MAGI1: variants seen among roughly 807,000 people sequenced by gnomAD.
The protein encoded by MAGI1 is membrane associated guanylate kinase, WW and PDZ domain containing 1.
MAGI1 carries 58 observed loss-of-function variants against 139.9 expected under a neutral mutation model. The ratio of observed to expected loss-of-function variants is 0.41; its 90% CI spans 0.34 to 0.52. The LOEUF (loss-of-function observed/expected upper bound fraction) is 0.52, where lower values mean the gene tolerates loss of function less well. Ranked by LOEUF, MAGI1 falls within the 20% of genes least tolerant of loss-of-function variation. The probability of loss-of-function intolerance (pLI) is 0.12; values close to 1 mark genes in which losing one functional copy is unlikely to be tolerated. For missense variants in MAGI1, 1,874 were observed against 1,901.6 expected (o/e 0.99, Z 0.27); for synonymous variants, 812 against 737.9 (o/e 1.10, Z -1.63).
At chr3:65,963,854 A>G (rs2064599339) in intron 1 of MAGI1, among the ~76,000 whole-genome samples, 3 of 152,218 alleles carry the variant, frequency 2.0e-5, no homozygotes, top group Admixed American at 2.0e-4. Context: ...CCAGGGATAG[A>G]GTGGTACTTA....
chr3:65,561,085 G>T (rs1319005630), intron 2 of MAGI1, among the ~76,000 whole-genome samples: 1 of 152,118 alleles, frequency 6.6e-6, no homozygotes. Flanking sequence ...TTTCTCTAAT[G>T]GACTCTGTAC....
At chr3:65,611,340 T>C (rs2083092361) in intron 2 of MAGI1, among the ~76,000 whole-genome samples, 2 of 143,340 alleles carry the variant, frequency 1.4e-5, no homozygotes, top group Admixed American at 7.2e-5. Flanking sequence ...ACTATACATA[T>C]ACTATATAGA....
At chr3:65,830,528 A>G (rs17438517) in intron 1 of MAGI1, among the ~76,000 whole-genome samples, 71,619 of 151,960 alleles carry the variant, frequency 0.47, 18,236 homozygotes, top group East Asian at 0.76. Flanking sequence ...CCACAACACA[A>G]CTTCTCTCAG....
At chr3:66,002,151 G>C (rs953893460) in intron 1 of MAGI1, among the ~76,000 whole-genome samples, 4 of 152,078 alleles carry the variant, frequency 2.6e-5, no homozygotes, top group African/African-American at 9.7e-5. Flanking sequence ...CTCAGGTAAG[G>C]ATTAACTTCA....
chr3:65,731,660 AT>A (rs1212413397), intron 1 of MAGI1, among the ~76,000 whole-genome samples: 2,699 of 121,482 alleles, frequency 0.022, 96 homozygotes, highest in African/African-American at 0.085. Context: ...GTCTCAAAAA[AT>A]TTAAAAAAAA....
chr3:65,644,268 T>C (rs915461608), intron 1 of MAGI1, among the ~76,000 whole-genome samples: 10 of 151,688 alleles, frequency 6.6e-5, no homozygotes, highest in African/African-American at 2.4e-4. Flanking sequence ...ATATGAAGAA[T>C]AAAAAAAACT....
chr3:66,022,396 A>G (rs765124918), intron 1 of MAGI1, among the ~76,000 whole-genome samples: 1 of 152,224 alleles, frequency 6.6e-6, no homozygotes, highest in Non-Finnish European at 1.5e-5. Flanking sequence ...TCTTATAAAT[A>G]ATGACACATG....
intron 1 of MAGI1, among the ~76,000 whole-genome samples, chr3:65,847,217 C>G (rs1027070677): frequency 3.9e-5 from 6 of 152,130 alleles, no homozygotes; most frequent in Admixed American, 2.0e-4. Context: ...GAGACAGAGT[C>G]TTCTACATGA....
intron 10 of MAGI1, among the ~76,000 whole-genome samples, chr3:65,435,453 A>C (rs1947772035): frequency 7.0e-6 from 1 of 143,228 alleles, no homozygotes; most frequent in South Asian, 2.4e-4. Flanking sequence ...CTGGTTGGCT[A>C]TTCTATATGT....
At chr3:65,926,361 CT>C (rs1397807267) in intron 1 of MAGI1, among the ~76,000 whole-genome samples, 42 of 151,438 alleles carry the variant, frequency 2.8e-4, no homozygotes, top group Non-Finnish European at 5.2e-4. Context: ...CTCTCTCTCT[CT>C]CTCTCTCCCT....
At chr3:65,939,167 C>A (rs1256161156) in intron 1 of MAGI1, among the ~76,000 whole-genome samples, 2 of 152,118 alleles carry the variant, frequency 1.3e-5, no homozygotes, top group Non-Finnish European at 2.9e-5. Flanking sequence ...GAAATAAATT[C>A]TTTTGAAGTT....
chr3:65,354,894 TC>T lies in MAGI1; in HGVS notation c.*1483del, dbSNP rs1464303865. 3 of 152,390 alleles carry T rather than the reference TC, an allele frequency of 2.0e-5. No individual in the cohort carries two copies. The highest frequency in any genetic ancestry group is 4.4e-5 in the Non-Finnish European group (3 of 68,008). The allele number at this position is 152,390 out of a possible 1,614,324, so 9.4% of individuals were successfully genotyped here. A position where few individuals can be genotyped will look rare whatever the true frequency, so the allele number is the denominator to read the frequency against. On this transcript the variant is annotated 3_prime_UTR_variant, in exon 23 of 23. Coordinates refer to ENST00000402939, the MANE Select transcript of MAGI1 (RefSeq NM_001033057.2). The stretch of plus-strand genomic sequence containing the variant: ...GATTGGCTGGTTTTCTTTTTTTTTT[TC>T]TTTTTCCTTTTTTTTTTTCTTACAG...
intron 1 of MAGI1, among the ~76,000 whole-genome samples, chr3:65,895,810 T>A (rs2060945480): frequency 6.6e-6 from 1 of 152,226 alleles, no homozygotes; most frequent in Admixed American, 6.5e-5. Flanking sequence ...AAAGGGACTT[T>A]TCAATCATCA....
chr3:65,990,149 G>T (rs774050328), intron 1 of MAGI1, among the ~76,000 whole-genome samples: 1 of 152,126 alleles, frequency 6.6e-6, no homozygotes, highest in Non-Finnish European at 1.5e-5. Context: ...GGCAAGACCT[G>T]AGTGAGATTA....
intron 1 of MAGI1, among the ~76,000 whole-genome samples, chr3:65,974,683 G>A (rs112819637): frequency 0.022 from 3,323 of 152,142 alleles, 74 homozygotes; most frequent in South Asian, 0.04. Flanking sequence ...AAGCTCATTC[G>A]CATGGCTGTC....
At chr3:65,445,126 A>G (rs1489483653) in intron 7 of MAGI1, among the ~76,000 whole-genome samples, 2 of 152,162 alleles carry the variant, frequency 1.3e-5, no homozygotes, top group Non-Finnish European at 2.9e-5. Flanking sequence ...AGACAGTACA[A>G]CCTATCACAG....
At chr3:65,788,068 T>G (rs1347943135) in intron 1 of MAGI1, among the ~76,000 whole-genome samples, 1 of 152,210 alleles carries the variant, frequency 6.6e-6, no homozygotes, top group Non-Finnish European at 1.5e-5. Context: ...CTAGGTTTCC[T>G]TGAGGTCAAA....
intron 1 of MAGI1, among the ~76,000 whole-genome samples, chr3:65,691,234 A>C (rs2088609018): frequency 6.7e-6 from 1 of 149,676 alleles, no homozygotes; most frequent in Non-Finnish European, 1.5e-5. Context: ...ACCCGGGAGG[A>C]GGAGGTTGCA....
chr3:65,449,629 T>C (rs1296486192), intron 6 of MAGI1, among the ~76,000 whole-genome samples: 1 of 151,618 alleles, frequency 6.6e-6, no homozygotes, highest in Non-Finnish European at 1.5e-5. Flanking sequence ...ACAAAAAAAT[T>C]AGTCAGGCAG....
Sources: allele counts gnomAD v4.1 joint callset (sites outside exome capture counted in the v4.1 genomes callset), GRCh38; gene constraint gnomAD v4.1.1; transcripts MANE v1.5; gene names NCBI Gene and HGNC (gene_info 2026-07-23, HGNC 2026-07-21).